SIL1: variants seen among roughly 807,000 people sequenced by gnomAD.
SIL1 encodes nucleotide exchange factor SIL1.
Under a neutral mutation model 49.1 loss-of-function variants are expected in SIL1, and 40 were observed. The observed-to-expected ratio is 0.81, with a 90% confidence interval of 0.63 to 1.06. The LOEUF (loss-of-function observed/expected upper bound fraction) is 1.06, where lower values mean the gene tolerates loss of function less well. SIL1 is among the 50% of genes least tolerant of loss of function. The pLI is 0.00. For missense variants in SIL1, 500 were observed against 572.6 expected (o/e 0.87, Z 1.29); for synonymous variants, 253 against 250.8 (o/e 1.01, Z -0.08).
chr5:139,097,724 C>G (rs898603540), intron 3 of SIL1, among the ~76,000 whole-genome samples: 1 of 152,124 alleles, frequency 6.6e-6, no homozygotes, highest in Non-Finnish European at 1.5e-5. Context: ...GATCTGCCCA[C>G]CTCGGCCTCC....
rs557048917 is a variant in SIL1 at position 139,100,644 on chromosome 5, C to T, written c.244+20391G>A. Among the ~76,000 whole-genome samples the T allele has an allele frequency of 7.9e-5, 12 of 152,158 alleles. No homozygotes were observed. The East Asian group carries it at 2.1e-3, about 27-fold the overall frequency. On this transcript the variant is annotated intron_variant, in intron 3 of 9. Coordinates refer to ENST00000394817, the MANE Select transcript of SIL1 (RefSeq NM_022464.5). ...CAGGTGAGAGATCATGGTGATCACA[C>T]GGGTGATGAGAAGTGGTCAAATTCT...
intron 3 of SIL1, among the ~76,000 whole-genome samples, chr5:139,091,967 T>C (rs1276888428): frequency 6.6e-6 from 1 of 152,172 alleles, no homozygotes; most frequent in Non-Finnish European, 1.5e-5. Flanking sequence ...AAGTGGACTG[T>C]GTGAGATCTT....
intron 3 of SIL1, chr5:139,051,302 A>G (rs1019266163): frequency 2.5e-5 from 13 of 519,994 alleles, no homozygotes; most frequent in Admixed American, 1.6e-4. Context: ...CTAGAGACCA[A>G]TGTCCCCCAG....
intron 3 of SIL1, among the ~76,000 whole-genome samples, chr5:139,067,647 G>A (rs1001003362): frequency 6.6e-6 from 1 of 152,218 alleles, no homozygotes; most frequent in African/African-American, 2.4e-5. Flanking sequence ...AGAGAAAACT[G>A]TAAATCACTC....
Position 139,023,630 on chromosome 5 carries a change from G to GC in SIL1, c.646-2339dup, listed in dbSNP as rs796401482. ...TCAAATATGGCTGTGAGGAAGCCTG[G>GC]CAGACCTGGTTTGGGTCCTTGGAGC... On this transcript the variant is annotated intron_variant, in intron 6 of 9. Transcript: ENST00000394817. 6.6e-5 allele frequency among the ~76,000 whole-genome samples: 10 copies of GC among 152,324 alleles called. No individual in the cohort carries two copies. The East Asian group carries it at 1.7e-3, about 26-fold the overall frequency.
At chr5:138,951,422 A>G in intron 8 of SIL1, 87 bp from the exon 9 acceptor site, 1 of 1,379,964 alleles carries the variant, frequency 7.2e-7, no homozygotes, top group Non-Finnish European at 1.0e-6. Context: ...AGGTGCCCCA[A>G]ATTAGTCCCC....
At position 138,947,252 on chromosome 5, in the gene SIL1, C is replaced by T; in HGVS notation, c.1251G>A (p.Gln417=). ...GCAGGCTGGCCAGTGTCCTGCCGAG[C>T]TGGGGGTCCTGACGGTAGCGGTCCC... The part of the protein sequence containing the change: ...TCRDRYRQDP[Q]LGRTLASLQA... Residue 417 remains glutamine (Q), a synonymous_variant, in exon 10 of 10, where the codon CAG becomes CAA. Transcript: ENST00000394817. This position sits in a 1 kb window ranked among gnomAD's most constrained non-coding sequence, Gnocchi z 4.1. The T allele has an allele frequency of 6.2e-7, 1 of 1,613,568 alleles. No individual in the cohort carries two copies. Among genetic ancestry groups the T allele is most frequent in the Non-Finnish European group, 8.5e-7 (1 of 1,180,012 alleles).
intron 1 of SIL1, among the ~76,000 whole-genome samples, chr5:139,189,713 C>T (rs1051669400): frequency 3.3e-5 from 5 of 152,102 alleles, no homozygotes; most frequent in African/African-American, 1.2e-4. Flanking sequence ...CTCAGCTACT[C>T]AGGAAGCTGA....
At chr5:139,027,538 C>A (rs1029622037) in intron 5 of SIL1, among the ~76,000 whole-genome samples, 5 of 152,210 alleles carry the variant, frequency 3.3e-5, no homozygotes, top group African/African-American at 1.2e-4. Context: ...AATCTAACCA[C>A]AGGTGTACAA....
intron 7 of SIL1, among the ~76,000 whole-genome samples, chr5:139,018,064 G>A (rs990623953): frequency 4.6e-5 from 7 of 152,136 alleles, no homozygotes; most frequent in Non-Finnish European, 7.3e-5. Context: ...GAAAATGAAC[G>A]TGTGTGACCC....
chr5:139,103,582 T>C (rs1350310835), intron 3 of SIL1, among the ~76,000 whole-genome samples: 1 of 152,210 alleles, frequency 6.6e-6, no homozygotes, highest in Non-Finnish European at 1.5e-5. Context: ...AACACAGCAG[T>C]ACTAAACATG....
chr5:139,112,927 G>A (rs1770900584), intron 3 of SIL1, among the ~76,000 whole-genome samples: 3 of 152,232 alleles, frequency 2.0e-5, no homozygotes. Flanking sequence ...AGTAGACATA[G>A]GAGACTCCAT....
At position 139,050,987 on chromosome 5, in the gene SIL1, C is replaced by T. The variant is rs1769271994; in HGVS notation, c.304G>A (p.Ala102Thr). 3 of 1,614,058 alleles carry T rather than the reference C, an allele frequency of 1.9e-6. No homozygotes were observed. Among genetic ancestry groups the T allele is most frequent in the African/African-American group, 1.3e-5 (1 of 74,904 alleles). The change falls in exon 4 of 10, where the codon GCA becomes ACA. Residue 102 changes from alanine (A) to threonine (T), a missense_variant. Physicochemically the swap from Ala to Thr is moderately conservative, Grantham distance 58. Transcript: ENST00000394817. ...AACTTGTCCTCATATTGGAGTTTTG[C>T]CTCTCTTTCCCCAGTCTGAAGATTC... ...RLNLQTGERE[A>T]KLQYEDKFRN...
At chr5:139,110,228 A>T (rs994343508) in intron 3 of SIL1, among the ~76,000 whole-genome samples, 6 of 151,658 alleles carry the variant, frequency 4.0e-5, no homozygotes, top group Non-Finnish European at 8.8e-5. Flanking sequence ...GATGGAATAG[A>T]GATTAAAAAG....
At chr5:139,076,182 G>A (rs1769944258) in intron 3 of SIL1, among the ~76,000 whole-genome samples, 1 of 152,164 alleles carries the variant, frequency 6.6e-6, no homozygotes, top group Non-Finnish European at 1.5e-5. Context: ...CAAAACAACA[G>A]TACCGGAATC....
chr5:139,124,093 C>T (rs1323928459), intron 2 of SIL1, among the ~76,000 whole-genome samples: 1 of 152,008 alleles, frequency 6.6e-6, no homozygotes, highest in African/African-American at 2.4e-5. Context: ...TAATTTCTGG[C>T]AGGCTGTAAG....
At chr5:138,981,755 C>T (rs1167818935) in intron 7 of SIL1, among the ~76,000 whole-genome samples, 2 of 152,228 alleles carry the variant, frequency 1.3e-5, no homozygotes, top group Non-Finnish European at 2.9e-5. Context: ...GCAAATCTCA[C>T]CCAAGTCAGT....
At chr5:139,084,405 C>T (rs1770162879) in intron 3 of SIL1, among the ~76,000 whole-genome samples, 1 of 105,948 alleles carries the variant, frequency 9.4e-6, no homozygotes, top group Non-Finnish European at 1.9e-5. Context: ...CAATGATAGA[C>T]TGGATTAAGA....
intron 7 of SIL1, among the ~76,000 whole-genome samples, chr5:138,957,920 CTT>C (rs528121887): frequency 2.0e-4 from 28 of 141,084 alleles, no homozygotes; most frequent in African/African-American, 2.6e-4. Context: ...TTAAGAAACA[CTT>C]TTTTTTTTTT....
Sources: gnomAD v4.1 joint callset for allele counts (sites outside exome capture counted in the v4.1 genomes callset) on GRCh38, gnomAD v4.1.1 for gene constraint, Gnocchi (gnomAD v3.1) non-coding constraint, MANE v1.5 for transcripts, NCBI Gene and HGNC (gene_info 2026-07-23, HGNC 2026-07-21) for gene names.